The following ATXN10 variants were observed in gnomAD, a reference collection of about 807,000 sequenced individuals.
ATXN10 encodes the protein ataxin-10.
ATXN10 carries 28 observed loss-of-function variants against 52.9 expected under a neutral mutation model. The observed-to-expected ratio is 0.53, with a 90% CI of 0.39 to 0.73. The LOEUF (loss-of-function observed/expected upper bound fraction) is 0.73, where lower values mean the gene tolerates loss of function less well. ATXN10 is among the 30% of genes least tolerant of loss of function. The pLI is 0.00. For synonymous variants in ATXN10, 226 were observed against 221.5 expected, an observed-to-expected ratio of 1.02 and a Z score of -0.18; for missense variants, 565 against 577.0, an observed-to-expected ratio of 0.98 and a Z score of 0.21.
chr22:45,843,160 T>A lies in ATXN10; in HGVS notation c.1407T>A (p.Thr469=), dbSNP rs1929404050. ...KKGEKLILKS[T]RDTPKP Reference sequence around the variant, plus strand: ...GCGAAAAGCTGATCCTGAAATCTACTAGAGACACCCCTAAGCCAGTAAGTA... The same window carrying A: ...GCGAAAAGCTGATCCTGAAATCTACAAGAGACACCCCTAAGCCAGTAAGTA... Residue 469 remains threonine, a synonymous_variant, in exon 11 of 12, where the codon ACT becomes ACA. Transcript: ENST00000252934. The surrounding 1 kb of genome is among the most constrained non-coding windows in gnomAD (Gnocchi z 4.5). The A allele has an allele frequency of 6.2e-7, 1 of 1,613,890 alleles. No individual in the cohort carries two copies. The highest frequency in any genetic ancestry group is 1.1e-5 in the South Asian group (1 of 91,070).
intron 10 of ATXN10, among the ~76,000 whole-genome samples, chr22:45,832,567 C>A (rs906777994): frequency 6.6e-6 from 1 of 152,224 alleles, no homozygotes. Context: ...AATGTAAACG[C>A]CCCAAGGGCA....
intron 2 of ATXN10, among the ~76,000 whole-genome samples, chr22:45,691,165 C>T (rs1037412368): frequency 6.6e-6 from 1 of 152,192 alleles, no homozygotes; most frequent in Non-Finnish European, 1.5e-5. Context: ...CATTCTAAAA[C>T]ATAACTAGTT....
intron 10 of ATXN10, among the ~76,000 whole-genome samples, chr22:45,812,889 C>G (rs1407275024): frequency 6.6e-6 from 1 of 152,184 alleles, no homozygotes; most frequent in African/African-American, 2.4e-5. Flanking sequence ...GAAATCCAAA[C>G]TGGCCTGTCA....
chr22:45,692,881 T>G, intron 2 of ATXN10, 115 bp from the exon 3 acceptor site: 5 of 833,842 alleles, frequency 6.0e-6, no homozygotes, highest in Non-Finnish European at 1.0e-5. Context: ...ATAAATAATT[T>G]AGGCTTTGTA....
rs1924948588 is a variant in ATXN10, at chr22:45,728,057, C to T, written c.729-1368C>T. ...TTTAATCCATTCTGCCAATCTGTATCTTTTAAGTGGAGCATTTAGATGATT... is the reference window on the plus strand; with the variant it reads ...TTTAATCCATTCTGCCAATCTGTATTTTTTAAGTGGAGCATTTAGATGATT... On this transcript the variant is annotated intron_variant, in intron 6 of 11. Transcript: ENST00000252934. This position sits in a 1 kb window ranked among gnomAD's most constrained non-coding sequence, Gnocchi z 4.3. Among the ~76,000 whole-genome samples the T allele has an allele frequency of 6.6e-6, 1 of 151,510 alleles. No homozygotes were observed. The highest frequency in any genetic ancestry group is 2.4e-5 in the African/African-American group (1 of 41,176).
rs1394514790 is a variant in ATXN10, at chr22:45,762,213, T to G, written c.1173+21675T>G. Among the ~76,000 whole-genome samples the G allele has an allele frequency of 2.0e-5, 3 of 152,148 alleles. No homozygotes were observed. The highest frequency in any genetic ancestry group is 4.4e-5 in the Non-Finnish European group (3 of 68,012). ...TGCGTTTCCGAGACTGTGTTTCTAT[T>G]TATTTGCCCTTTGTCTGTTTCCCCT... On this transcript the variant is annotated intron_variant, in intron 9 of 11. Transcript: ENST00000252934. This position sits in a 1 kb window ranked among gnomAD's most constrained non-coding sequence, Gnocchi z 4.3.
chr22:45,821,363 A>C (rs1284911658), intron 10 of ATXN10, among the ~76,000 whole-genome samples: 1 of 151,860 alleles, frequency 6.6e-6, no homozygotes, highest in Non-Finnish European at 1.5e-5. Context: ...AAAAAAAAAA[A>C]AAAACGAACC....
chr22:45,690,104 C>T lies in ATXN10; in HGVS notation c.308+201C>T, dbSNP rs1449082806. ...CCTGGGCAACATGGTGAGACCCTGTCTCTACAAAAAAAATACAAAAAATTA... is the reference window on the plus strand; with the variant it reads ...CCTGGGCAACATGGTGAGACCCTGTTTCTACAAAAAAAATACAAAAAATTA... On this transcript the variant is annotated intron_variant, in intron 2 of 11. Coordinates refer to ENST00000252934, the MANE Select transcript of ATXN10 (RefSeq NM_013236.4). The surrounding 1 kb of genome is among the most constrained non-coding windows in gnomAD (Gnocchi z 4.5). Among the ~76,000 whole-genome samples, 2 of 151,906 alleles carry T rather than the reference C, an allele frequency of 1.3e-5. No individual in the cohort carries two copies. The highest frequency in any genetic ancestry group is 2.4e-5 in the African/African-American group (1 of 41,320).
At chr22:45,788,489 C>T (rs141228559) in intron 9 of ATXN10, among the ~76,000 whole-genome samples, 3 of 151,656 alleles carry the variant, frequency 2.0e-5, no homozygotes, top group African/African-American at 4.8e-5. Flanking sequence ...CCACTGCTGT[C>T]GCAGGCTTCA....
intron 9 of ATXN10, among the ~76,000 whole-genome samples, chr22:45,751,740 G>GAAAAAAAAAAAAAAAAAAAAAAAA (rs200364242): frequency 6.6e-5 from 3 of 45,486 alleles, no homozygotes; most frequent in Non-Finnish European, 3.7e-5. Flanking sequence ...CCTTTTTCTG[G>GAAAAAAAAAAAAAAAAAAAAAAAA]AAAAAAAAAA....
chr22:45,721,055 T>G (rs1924631058), intron 6 of ATXN10, among the ~76,000 whole-genome samples: 1 of 152,216 alleles, frequency 6.6e-6, no homozygotes, highest in East Asian at 1.9e-4. Context: ...GCTTTTTTCT[T>G]GTGCTAGTTC....
chr22:45,795,415 A>ATTCTATTCTATTCTATTGCT lies in ATXN10; in HGVS notation c.1174-11535_1174-11534insATTCTATTGCTTTCTATTCT, dbSNP rs747787715. ...ATTCTATTCTATTCTATTCTATTCTATTCTATTCTTTTTGAGATGAAGTCT... is the reference window on the plus strand; with the variant it reads ...ATTCTATTCTATTCTATTCTATTCTATTCTATTCTATTCTATTGCTTTCTATTCTTTTTGAGATGAAGTCT... On this transcript the variant is annotated intron_variant, in intron 9 of 11. Transcript: ENST00000252934. The surrounding 1 kb of genome is among the most constrained non-coding windows in gnomAD (Gnocchi z 4.6). Among the ~76,000 whole-genome samples, 1 of 134,076 alleles carries ATTCTATTCTATTCTATTGCT rather than the reference A, an allele frequency of 7.5e-6. No individual in the cohort carries two copies. The highest frequency in any genetic ancestry group is 2.8e-5 in the African/African-American group (1 of 35,282). The allele number at this position is 134,076 out of a possible 152,430, so 88.0% of individuals were successfully genotyped here. A position where few individuals can be genotyped will look rare whatever the true frequency, so the allele number is the denominator to read the frequency against.
intron 9 of ATXN10, among the ~76,000 whole-genome samples, chr22:45,785,174 C>G (rs1927280794): frequency 6.6e-6 from 1 of 152,230 alleles, no homozygotes; most frequent in Non-Finnish European, 1.5e-5. Context: ...GTTGCTCTCT[C>G]AAGTCATGTC....
rs543808952 is a variant in ATXN10 at position 45,770,869 on chromosome 22, C to T, written c.1173+30331C>T. Among the ~76,000 whole-genome samples, 2 of 152,320 alleles carry T rather than the reference C, an allele frequency of 1.3e-5. No homozygotes were observed. Among genetic ancestry groups the T allele is most frequent in the African/African-American group, 2.4e-5 (1 of 41,586 alleles). On this transcript the variant is annotated intron_variant, in intron 9 of 11. Transcript: ENST00000252934. The surrounding 1 kb of genome is among the most constrained non-coding windows in gnomAD (Gnocchi z 4.5). ...TACCCCCAAATTCCCTCCCTGATCC[C>T]TGAGTAGCTTTTCAGGAAGTGCTCA...
chr22:45,835,382 G>A lies in ATXN10; in HGVS notation c.1238-7609G>A, dbSNP rs1929134045. Among the ~76,000 whole-genome samples the A allele has an allele frequency of 1.3e-5, 2 of 152,252 alleles. No individual in the cohort carries two copies. The highest frequency in any genetic ancestry group is 2.9e-5 in the Non-Finnish European group (2 of 68,048). On this transcript the variant is annotated intron_variant, in intron 10 of 11. Coordinates refer to ENST00000252934, the MANE Select transcript of ATXN10 (RefSeq NM_013236.4). This position sits in a 1 kb window ranked among gnomAD's most constrained non-coding sequence, Gnocchi z 5.0. ...AGCCCTTCGCTCGGGCCCACGGGGT[G>A]CAGTGGAGGAAGTGTGAGCCTTGTA...
rs62225968 is a variant in ATXN10, at chr22:45,745,791, A to C, written c.1173+5253A>C. Among the ~76,000 whole-genome samples the C allele has an allele frequency of 4.6e-3, 705 of 152,306 alleles. 5 individuals carry two copies. Among genetic ancestry groups the C allele is most frequent in the Non-Finnish European group, 6.4e-3 (432 of 68,010 alleles). The stretch of plus-strand genomic sequence containing the variant: ...GACAATTTATTTGTAAAATAAATTG[A>C]ATGTTGAATGTTTACTACATATCAA... On this transcript the variant is annotated intron_variant, in intron 9 of 11. Transcript: ENST00000252934.
rs6006796 is a variant in ATXN10, at chr22:45,702,257, C to T, written c.489-432C>T. Among the ~76,000 whole-genome samples, 576 of 152,282 alleles carry T rather than the reference C, an allele frequency of 3.8e-3. 4 individuals are homozygous for T. Among genetic ancestry groups the T allele is most frequent in the African/African-American group, 0.013 (544 of 41,544 alleles). ...CTAGGAGTTATAGCGAGGCTCCTGA[C>T]TCCAAATTCTATTTCTTGCCCCACT... On this transcript the variant is annotated intron_variant, in intron 4 of 11. Coordinates refer to ENST00000252934, the MANE Select transcript of ATXN10 (RefSeq NM_013236.4).
chr22:45,702,674 T>C lies in ATXN10; in HGVS notation c.489-15T>C, dbSNP rs966488244. 4 of 1,613,564 alleles carry C rather than the reference T, an allele frequency of 2.5e-6. No homozygotes were observed. The highest frequency in any genetic ancestry group is 1.7e-5 in the Admixed American group (1 of 59,998). On this transcript the variant is annotated splice_polypyrimidine_tract_variant and intron_variant, in intron 4 of 11. Transcript: ENST00000252934. ...TACTAAATTGGGCTAACAATCTCAT[T>C]TCCTTGTTTGGAAGGTCTTGCTTAA...
intron 1 of ATXN10, among the ~76,000 whole-genome samples, chr22:45,686,418 G>A (rs750857014): frequency 6.6e-6 from 1 of 152,152 alleles, no homozygotes; most frequent in Non-Finnish European, 1.5e-5. Flanking sequence ...ATCTGATGTG[G>A]ACAAGTTATT....
Sources: allele counts gnomAD v4.1 joint callset (sites outside exome capture counted in the v4.1 genomes callset), GRCh38; gene constraint gnomAD v4.1.1; non-coding constraint Gnocchi (gnomAD v3.1); transcripts MANE v1.5; gene names NCBI Gene and HGNC (gene_info 2026-07-23, HGNC 2026-07-21).